C4orf33: variants seen among roughly 807,000 people sequenced by gnomAD.
C4orf33 encodes the protein UPF0462 protein C4orf33.
C4orf33 carries 20 observed loss-of-function variants against 24.3 expected under a neutral mutation model. The observed-to-expected ratio is 0.82, with a 90% CI of 0.58 to 1.19. C4orf33 has a LOEUF of 1.19. Ranked by LOEUF, C4orf33 falls within the 50% of genes most tolerant of loss-of-function variation. The pLI, the probability that C4orf33 is intolerant of heterozygous loss-of-function variation, is 0.00. For synonymous variants in C4orf33, 67 were observed against 76.4 expected (o/e 0.88, Z 0.64); for missense variants, 207 against 225.9 (o/e 0.92, Z 0.54).
At chr4:129,106,711 T>C (rs1022382043) in intron 3 of C4orf33, 64 bp downstream of exon 3, 4 of 840,668 alleles carry the variant, frequency 4.8e-6, no homozygotes, top group Admixed American at 2.7e-5. Flanking sequence ...TTTCTAGTTA[T>C]AAATGATATA....
At position 129,111,787 on chromosome 4, in the gene C4orf33, T is replaced by C; in HGVS notation, c.596T>C (p.Ile199Thr). ...SDLWLIEKCDI is the reference protein window; with the variant it reads ...SDLWLIEKCDT ...CTGTGGCTAATAGAGAAATGTGATA[T>C]ATAGGAGTAATAGATAACCATACCG... The change falls in exon 6 of 6, where the codon ATA becomes ACA. Residue 199 changes from isoleucine (I) to threonine (T), a missense_variant. By Grantham distance (89) the Ile-to-Thr change is moderately conservative. Coordinates refer to ENST00000425929, the MANE Select transcript of C4orf33 (RefSeq NM_001099783.2). 6.4e-7 allele frequency: 1 copy of C among 1,569,050 alleles called. No individual in the cohort carries two copies. The highest frequency in any genetic ancestry group is 8.8e-7 in the Non-Finnish European group (1 of 1,139,888).
rs1753738371 is a variant in C4orf33 at position 129,114,043 on chromosome 4, AC to A, written c.*2255del. 6.6e-6 allele frequency: 1 copy of A among 152,144 alleles called. No individual in the cohort carries two copies. Among genetic ancestry groups the A allele is most frequent in the Admixed American group, 6.6e-5 (1 of 15,256 alleles). The allele number at this position is 152,144 out of a possible 1,614,324, so 9.4% of individuals were successfully genotyped here. On this transcript the variant is annotated 3_prime_UTR_variant, in exon 6 of 6. Coordinates refer to ENST00000425929, the MANE Select transcript of C4orf33 (RefSeq NM_001099783.2). ...TCACTGGTCCTAGATAGCTCTTCTGACCCACCTCCTATCCTCTCAGCCTAAC... is the reference window on the plus strand; with the variant it reads ...TCACTGGTCCTAGATAGCTCTTCTGACCACCTCCTATCCTCTCAGCCTAAC...
At chr4:129,105,115 T>C (rs1443506659) in intron 2 of C4orf33, among the ~76,000 whole-genome samples, 2 of 152,098 alleles carry the variant, frequency 1.3e-5, no homozygotes, top group Non-Finnish European at 2.9e-5. Context: ...GTTCACACAA[T>C]TGTGGCAGCT....
upstream of C4orf33, chr4:129,096,055 A>G (rs1264601988): frequency 6.6e-6 from 1 of 152,166 alleles, no homozygotes; most frequent in Admixed American, 6.5e-5. Flanking sequence ...GTGGCCCTTC[A>G]ACATCTTTCT....
chr4:129,094,075 C>G (rs1015726127), upstream of C4orf33: 5 of 152,128 alleles, frequency 3.3e-5, no homozygotes, highest in Non-Finnish European at 4.4e-5. Flanking sequence ...AAGGAGACAA[C>G]TGTTGTTTAA....
At chr4:129,109,768 A>T (rs1012160025) in intron 5 of C4orf33, 96 bp downstream of exon 5, 1 of 1,076,656 alleles carries the variant, frequency 9.3e-7, no homozygotes, top group Non-Finnish European at 1.3e-6. Flanking sequence ...ATCAAAGAAG[A>T]CGACATATGT....
intron 1 of C4orf33, among the ~76,000 whole-genome samples, chr4:129,100,914 C>T (rs1757927): frequency 0.71 from 107,459 of 151,982 alleles, 40,428 homozygotes; most frequent in South Asian, 0.89. Flanking sequence ...TAGAGGATTA[C>T]ACATTTTTTT....
At chr4:129,100,105 A>G (rs1447320759) in intron 1 of C4orf33, among the ~76,000 whole-genome samples, 2 of 152,140 alleles carry the variant, frequency 1.3e-5, no homozygotes, top group African/African-American at 4.8e-5. Context: ...TAGGGGGGAA[A>G]AGCAGAAGGA....
chr4:129,098,873 A>G (rs971132228), intron 1 of C4orf33, among the ~76,000 whole-genome samples: 1 of 113,242 alleles, frequency 8.8e-6, no homozygotes, highest in African/African-American at 2.7e-5. Flanking sequence ...GTAAACTGTC[A>G]TGCCACTGTT....
chr4:129,100,759 T>C (rs1388697927), intron 1 of C4orf33: 2 of 152,214 alleles, frequency 1.3e-5, no homozygotes, highest in Non-Finnish European at 2.9e-5. Flanking sequence ...TTGTCAAGAA[T>C]TATCAAGCTC....
intron 1 of C4orf33, among the ~76,000 whole-genome samples, chr4:129,099,923 G>GT (rs1253734217): frequency 2.0e-5 from 3 of 150,646 alleles, no homozygotes; most frequent in African/African-American, 7.3e-5. Context: ...GCGATATAAA[G>GT]TTTAAAAAAA....
At chr4:129,107,331 A>G (rs1753548451) in intron 3 of C4orf33, among the ~76,000 whole-genome samples, 1 of 151,932 alleles carries the variant, frequency 6.6e-6, no homozygotes. Context: ...TTTTTCCTGT[A>G]GATGTACACC....
chr4:129,109,946 C>T (rs569118299), intron 5 of C4orf33: 4 of 1,195,770 alleles, frequency 3.3e-6, no homozygotes, highest in Admixed American at 8.4e-5. Context: ...GTTGTAATAG[C>T]TGATATAGAA....
chr4:129,106,491 A>T, intron 2 of C4orf33, 96 bp from the exon 3 acceptor site: 1 of 631,688 alleles, frequency 1.6e-6, no homozygotes, highest in Non-Finnish European at 2.7e-6. Flanking sequence ...TATAATTAAG[A>T]ATAGTTAATT....
At chr4:129,100,794 C>G (rs775115305) in intron 1 of C4orf33, 7 of 152,164 alleles carry the variant, frequency 4.6e-5, no homozygotes, top group Non-Finnish European at 8.8e-5. Context: ...AGCATTTTCT[C>G]TCAGCCTATT....
intron 5 of C4orf33, among the ~76,000 whole-genome samples, chr4:129,111,207 C>T (rs1023257468): frequency 2.0e-5 from 3 of 152,110 alleles, no homozygotes; most frequent in Admixed American, 6.6e-5. Context: ...TGGTTTTCCT[C>T]GAAAGAAAAG....
At chr4:129,105,337 C>G (rs1753484611) in intron 2 of C4orf33, among the ~76,000 whole-genome samples, 1 of 152,062 alleles carries the variant, frequency 6.6e-6, no homozygotes, top group African/African-American at 2.4e-5. Context: ...AGAGGGAAAC[C>G]TGCTCTACTA....
chr4:129,094,069 AGAC>A (rs1753089043), upstream of C4orf33: 4 of 152,206 alleles, frequency 2.6e-5, no homozygotes, highest in Admixed American at 2.6e-4. Flanking sequence ...TAGACAAAGG[AGAC>A]AACTGTTGTT....
intron 1 of C4orf33, among the ~76,000 whole-genome samples, chr4:129,096,579 T>C (rs1208751338): frequency 6.6e-6 from 1 of 152,198 alleles, no homozygotes; most frequent in Non-Finnish European, 1.5e-5. Context: ...TTCTTAATGC[T>C]CCAGTGTTCG....
Sources: gnomAD v4.1 joint callset for allele counts (sites outside exome capture counted in the v4.1 genomes callset) on GRCh38, gnomAD v4.1.1 for gene constraint, MANE v1.5 for transcripts, NCBI Gene and HGNC (gene_info 2026-07-23, HGNC 2026-07-21) for gene names.